The following ATP8A2 variants were observed in gnomAD, a reference collection of about 807,000 sequenced individuals.
ATP8A2 encodes the protein phospholipid-transporting ATPase IB.
Under a neutral mutation model 165.6 loss-of-function variants are expected in ATP8A2, and 100 were observed. The observed-to-expected ratio is 0.60, with a 90% confidence interval of 0.51 to 0.71. The LOEUF is 0.71. ATP8A2 is among the 30% of genes least tolerant of loss of function. The pLI is 0.00. For missense variants in ATP8A2, 1,227 were observed against 1,479.5 expected, an observed-to-expected ratio of 0.83 and a Z score of 2.80; for synonymous variants, 543 against 548.8, an observed-to-expected ratio of 0.99 and a Z score of 0.15.
intron 2 of ATP8A2, among the ~76,000 whole-genome samples, chr13:25,498,747 A>G (rs986059856): frequency 6.6e-6 from 1 of 152,222 alleles, no homozygotes; most frequent in Non-Finnish European, 1.5e-5. Flanking sequence ...TATGTCCCCG[A>G]TGCCGTTATA....
At chr13:25,910,453 A>G (rs1454149457) in intron 33 of ATP8A2, among the ~76,000 whole-genome samples, 1 of 152,112 alleles carries the variant, frequency 6.6e-6, no homozygotes, top group East Asian at 1.9e-4. Flanking sequence ...TTTGTGAGAG[A>G]GGTTTTTGCA....
chr13:25,727,208 A>G (rs943242584), intron 25 of ATP8A2, among the ~76,000 whole-genome samples: 14 of 152,198 alleles, frequency 9.2e-5, no homozygotes, highest in African/African-American at 3.4e-4. Flanking sequence ...AAACCATGAA[A>G]TGATAAATAA....
At chr13:25,428,916 A>G (rs2034526763) in intron 1 of ATP8A2, among the ~76,000 whole-genome samples, 1 of 152,098 alleles carries the variant, frequency 6.6e-6, no homozygotes, top group Admixed American at 6.5e-5. Context: ...CCTTAGTAAG[A>G]GCTCACAGCA....
intron 25 of ATP8A2, among the ~76,000 whole-genome samples, chr13:25,734,936 G>C (rs1299967756): frequency 5.3e-5 from 8 of 152,038 alleles, no homozygotes; most frequent in Admixed American, 2.6e-4. Context: ...ACCATGCCTG[G>C]CCGTGATAAG....
intron 2 of ATP8A2, among the ~76,000 whole-genome samples, chr13:25,479,536 G>GAA (rs2036097067): frequency 1.3e-5 from 2 of 151,698 alleles, no homozygotes; most frequent in African/African-American, 4.8e-5. Context: ...TGTTTCTCAC[G>GAA]GAGGGGGATT....
chr13:25,376,246 C>T (rs539209070), intron 1 of ATP8A2, among the ~76,000 whole-genome samples: 3 of 152,302 alleles, frequency 2.0e-5, no homozygotes, highest in South Asian at 2.1e-4. Flanking sequence ...CAACAGAATA[C>T]GCTCATTGAT....
chr13:25,835,546 TG>T (rs1334127259), intron 28 of ATP8A2, among the ~76,000 whole-genome samples: 2 of 152,018 alleles, frequency 1.3e-5, no homozygotes, highest in Admixed American at 6.6e-5. Context: ...GAGAGCTTGC[TG>T]GGTTTGTGGG....
chr13:25,967,136 A>C (rs745772029), intron 34 of ATP8A2, among the ~76,000 whole-genome samples: 6 of 152,228 alleles, frequency 3.9e-5, no homozygotes, highest in Non-Finnish European at 7.3e-5. Context: ...AACGGGGTAC[A>C]TTTTAACATC....
chr13:25,510,206 CACACACACACACACAG>C (rs1474858377), intron 2 of ATP8A2, among the ~76,000 whole-genome samples: 3,388 of 133,846 alleles, frequency 0.025, 67 homozygotes, highest in Admixed American at 0.053. Context: ...CACACACACA[CACACACACACACACAG>C]AGAATGTTGA....
chr13:25,447,703 C>T (rs74606910), intron 1 of ATP8A2, among the ~76,000 whole-genome samples: 2 of 152,176 alleles, frequency 1.3e-5, no homozygotes, highest in African/African-American at 4.8e-5. Context: ...AGGGTGACAG[C>T]CTTGTACTCT....
intron 15 of ATP8A2, among the ~76,000 whole-genome samples, chr13:25,563,003 C>G (rs927293266): frequency 2.6e-5 from 4 of 152,214 alleles, no homozygotes; most frequent in African/African-American, 9.6e-5. Context: ...TAGGTGCTCC[C>G]CCTTGCAAGC....
At chr13:25,392,314 A>T (rs2033277533) in intron 1 of ATP8A2, among the ~76,000 whole-genome samples, 1 of 152,228 alleles carries the variant, frequency 6.6e-6, no homozygotes, top group African/African-American at 2.4e-5. Flanking sequence ...GTCATGTGAC[A>T]GGCAGTTGTA....
intron 33 of ATP8A2, among the ~76,000 whole-genome samples, chr13:25,903,882 T>C (rs1953846744): frequency 6.6e-6 from 1 of 152,220 alleles, no homozygotes; most frequent in Non-Finnish European, 1.5e-5. Context: ...CTGCAGTTTT[T>C]GTCTGTTCTG....
intron 1 of ATP8A2, among the ~76,000 whole-genome samples, chr13:25,462,256 G>A (rs1448743307): frequency 6.6e-6 from 1 of 152,164 alleles, no homozygotes; most frequent in Non-Finnish European, 1.5e-5. Context: ...CAGGTTAAGG[G>A]CACAGTCCTC....
At chr13:25,382,876 CTCCCGAGTAGCTGG>C (rs1192643039) in intron 1 of ATP8A2, among the ~76,000 whole-genome samples, 1 of 151,856 alleles carries the variant, frequency 6.6e-6, no homozygotes, top group Non-Finnish European at 1.5e-5. Context: ...CTGCCTCAGC[CTCCCGAGTAGCTGG>C]GACTACAGGT....
At chr13:25,463,890 T>G (rs757462828) in intron 1 of ATP8A2, among the ~76,000 whole-genome samples, 19 of 152,166 alleles carry the variant, frequency 1.2e-4, no homozygotes, top group Non-Finnish European at 2.5e-4. Flanking sequence ...GTAACTGATC[T>G]GCTCTCCTCT....
chr13:25,490,083 C>T (rs906718908), intron 2 of ATP8A2, among the ~76,000 whole-genome samples: 1 of 152,182 alleles, frequency 6.6e-6, no homozygotes, highest in African/African-American at 2.4e-5. Context: ...TGCAAGGTTA[C>T]TCCTTAGCTT....
chr13:25,959,321 C>A (rs987045277), intron 33 of ATP8A2, among the ~76,000 whole-genome samples: 3 of 152,208 alleles, frequency 2.0e-5, no homozygotes, highest in African/African-American at 7.2e-5. Flanking sequence ...CCACCCAGAT[C>A]CTGGTTTCCA....
intron 33 of ATP8A2, among the ~76,000 whole-genome samples, chr13:25,868,833 G>C (rs1566219982): frequency 6.6e-6 from 1 of 151,884 alleles, no homozygotes; most frequent in Non-Finnish European, 1.5e-5. Context: ...ACTTTGGGAG[G>C]CCTGGGTGGG....
Sources: gnomAD v4.1 joint callset for allele counts (sites outside exome capture counted in the v4.1 genomes callset) on GRCh38, gnomAD v4.1.1 for gene constraint, MANE v1.5 for transcripts, NCBI Gene and HGNC (gene_info 2026-07-23, HGNC 2026-07-21) for gene names.